The following POU5F1B variants were observed in gnomAD, a reference collection of about 807,000 sequenced individuals.
POU5F1B encodes POU domain, class 5, transcription factor 1B.
In POU5F1B, 24 loss-of-function variants were observed where a neutral mutation model predicts 28.1. The observed-to-expected ratio is 0.85, with a 90% confidence interval of 0.62 to 1.20. The LOEUF is 1.20. Among genes scored for constraint, POU5F1B ranks in the 50% most tolerant of loss-of-function variants. POU5F1B has a pLI of 0.00. For synonymous variants in POU5F1B, 220 were observed against 193.2 expected (o/e 1.14, Z -1.15); for missense variants, 451 against 451.5 (o/e 1.00, Z 0.01).
chr8:127,416,060 C>T (rs1338968285), exon 3 of POU5F1B: 3 of 1,610,912 alleles, frequency 1.9e-6, no homozygotes, highest in Non-Finnish European at 2.5e-6. Context: ...CCTTGCCCCC[C>T]GCCGTATGAG....
intron 1 of POU5F1B, among the ~76,000 whole-genome samples, chr8:127,413,748 A>G (rs1484746532): frequency 3.3e-5 from 5 of 152,078 alleles, no homozygotes; most frequent in Non-Finnish European, 5.9e-5. Context: ...TTAACCTTCT[A>G]TTTCACTTTT....
At chr8:127,417,017 G>C (rs9297754) in exon 3 of POU5F1B, 1,192,277 of 1,552,980 alleles carry the variant, frequency 0.77, 459,899 homozygotes, top group Middle Eastern at 0.84. Context: ...GGAGTTTGTG[G>C]CAGGGCTTTT....
At chr8:127,414,974 G>T (rs577395847) in exon 2 of POU5F1B, 5 of 152,362 alleles carry the variant, frequency 3.3e-5, no homozygotes, top group African/African-American at 1.2e-4. Flanking sequence ...AGCAACTGAG[G>T]CCTCCTACCA....
rs540297816 is a variant in POU5F1B, at chr8:127,415,310, CAT to C, written c.-424-131_-424-130del. The C allele has an allele frequency of 8.5e-5, 13 of 152,740 alleles. No individual in the cohort carries two copies. The South Asian group carries it at 2.7e-3, about 32-fold the overall frequency. The allele number at this position is 152,740 out of a possible 1,614,324, so 9.5% of individuals were successfully genotyped here. ...GGTAGAATTTGCACTATTAAATCTT[CAT>C]AGAGTGCTATTTCCCGTCACTACAG... On this transcript the variant is annotated intron_variant, in intron 2 of 2. Transcript: ENST00000465342.
exon 3 of POU5F1B, chr8:127,417,194 T>C (rs1323394437): frequency 1.2e-5 from 3 of 248,390 alleles, no homozygotes; most frequent in Non-Finnish European, 2.2e-5. Flanking sequence ...TGGGACACAG[T>C]AAAAAAAAAA....
chr8:127,416,086 G>A, exon 3 of POU5F1B: 1 of 1,612,912 alleles, frequency 6.2e-7, no homozygotes, highest in Non-Finnish European at 8.5e-7. Context: ...TGGGGGGATG[G>A]CGTACTGTGG....
At chr8:127,416,828 C>A in exon 3 of POU5F1B, 6 of 1,604,096 alleles carry the variant, frequency 3.7e-6, no homozygotes, top group Middle Eastern at 1.7e-4. Flanking sequence ...CATTTTGGTA[C>A]CCCAGGCTAT....
chr8:127,416,075 G>C (rs1388795009), exon 3 of POU5F1B: 1 of 1,612,482 alleles, frequency 6.2e-7, no homozygotes, highest in Non-Finnish European at 8.5e-7. Context: ...TATGAGTTAT[G>C]TGGGGGGATG....
intron 1 of POU5F1B, among the ~76,000 whole-genome samples, chr8:127,414,242 C>T (rs1396319275): frequency 1.3e-5 from 2 of 152,172 alleles, no homozygotes; most frequent in Non-Finnish European, 2.9e-5. Context: ...ATTTCTGTAA[C>T]AAGTAACTAT....
chr8:127,415,857 T>C lies in POU5F1B; in HGVS notation c.-10T>C. 2 of 1,513,762 alleles carry C rather than the reference T, an allele frequency of 1.3e-6. No individual in the cohort carries two copies. Among genetic ancestry groups the C allele is most frequent in the Admixed American group, 2.4e-5 (1 of 42,386 alleles). The allele number at this position is 1,513,762 out of a possible 1,614,324, so 93.8% of individuals were successfully genotyped here. A position where few individuals can be genotyped will look rare whatever the true frequency, so the allele number is the denominator to read the frequency against. On this transcript the variant is annotated 5_prime_UTR_variant, in exon 3 of 3. Transcript: ENST00000465342. ...CACCAGGCCCCCGGCTTGGGGCGCC[T>C]TCCTTCCCCATGGCGGGACACCTGG...
exon 3 of POU5F1B, chr8:127,416,825 G>A (rs780579414): frequency 5.0e-6 from 8 of 1,604,594 alleles, no homozygotes; most frequent in Non-Finnish European, 6.0e-6. Context: ...CCCCATTTTG[G>A]TACCCCAGGC....
At chr8:127,415,328 G>GTCA (rs1434523932) in intron 2 of POU5F1B, 1 of 152,794 alleles carries the variant, frequency 6.5e-6, no homozygotes, top group Non-Finnish European at 1.5e-5. Context: ...GCTATTTCCC[G>GTCA]TCACTACAGC....
rs1034775280 is a variant in POU5F1B at position 127,415,875 on chromosome 8, A to G, written c.9A>G (p.Gly3=). Residue 3 remains glycine (G), a synonymous_variant, in exon 3 of 3, where the codon GGA becomes GGG. Coordinates refer to ENST00000465342, the Ensembl canonical transcript of POU5F1B. ...GGGCGCCTTCCTTCCCCATGGCGGG[A>G]CACCTGGCTTCGGATTTCGCCTTCT... 5.2e-6 allele frequency: 8 copies of G among 1,526,480 alleles called. No homozygotes were observed. In the African/African-American group the frequency reaches 8.3e-5, roughly 16 times the overall value. The allele number at this position is 1,526,480 out of a possible 1,614,324, so 94.6% of individuals were successfully genotyped here. A position where few individuals can be genotyped will look rare whatever the true frequency, so the allele number is the denominator to read the frequency against.
At chr8:127,416,048 C>A in exon 3 of POU5F1B, 1 of 1,608,458 alleles carries the variant, frequency 6.2e-7, no homozygotes, top group East Asian at 2.2e-5. Flanking sequence ...TGGGGGATTC[C>A]CCCTTGCCCC....
At chr8:127,416,722 C>A in exon 3 of POU5F1B, 1 of 1,609,504 alleles carries the variant, frequency 6.2e-7, no homozygotes, top group Non-Finnish European at 8.5e-7. Flanking sequence ...GAAGGGCAAG[C>A]GATCAAGCAG....
At position 127,415,651 on chromosome 8, in the gene POU5F1B, GATA is replaced by G. The variant is rs112002137; in HGVS notation, c.-210_-208del. 2.0e-4 allele frequency: 151 copies of G among 743,706 alleles called. 3 individuals carry two copies. The African/African-American group carries it at 2.1e-3, about 10-fold the overall frequency. 46.1% of individuals were successfully genotyped at this position (743,706 alleles called of 1,614,324 possible). On this transcript the variant is annotated 5_prime_UTR_variant, in exon 3 of 3. Transcript: ENST00000465342. The stretch of plus-strand genomic sequence containing the variant: ...TTGGCATTCTTATCCACAAAGTGAA[GATA>G]ATAATTGTCAATTCACAGGTGATTA...
intron 1 of POU5F1B, among the ~76,000 whole-genome samples, chr8:127,413,857 TACACACAC>T (rs3999776): frequency 1.3e-5 from 2 of 150,600 alleles, no homozygotes; most frequent in African/African-American, 2.4e-5. Flanking sequence ...AAAAAGGTGG[TACACACAC>T]ACACACACAC....
At chr8:127,415,747 ACT>A in exon 3 of POU5F1B, 3 of 1,411,600 alleles carry the variant, frequency 2.1e-6, no homozygotes. Context: ...TGCTTCAGGC[ACT>A]GTGTTCATTG....
chr8:127,417,207 A>AAG (rs1461298145), exon 3 of POU5F1B: 2,992 of 231,068 alleles, frequency 0.013, 13 homozygotes, highest in African/African-American at 0.06. Flanking sequence ...AAAAAAAAAA[A>AAG]AAAGAAAGAA....
Sources: gnomAD v4.1 joint callset for allele counts (sites outside exome capture counted in the v4.1 genomes callset) on GRCh38, gnomAD v4.1.1 for gene constraint, MANE v1.5 for transcripts, NCBI Gene and HGNC (gene_info 2026-07-23, HGNC 2026-07-21) for gene names.